MICU3: variants seen among roughly 807,000 people sequenced by gnomAD.
MICU3 encodes calcium uptake protein 3, mitochondrial.
A neutral mutation model predicts 66.5 loss-of-function variants in MICU3; 62 were observed. That is an observed-to-expected ratio of 0.93 (90% CI 0.76 to 1.15). The LOEUF (loss-of-function observed/expected upper bound fraction) is 1.15. MICU3 is among the 50% of genes most tolerant of loss of function. The pLI, the probability that MICU3 is intolerant of heterozygous loss-of-function variation, is 0.00. For missense variants in MICU3, 779 were observed against 664.4 expected, an observed-to-expected ratio of 1.17 and a Z score of -1.90; for synonymous variants, 308 against 240.7, an observed-to-expected ratio of 1.28 and a Z score of -2.59.
intron 3 of MICU3, among the ~76,000 whole-genome samples, chr8:17,073,158 G>A (rs1819860255): frequency 6.6e-6 from 1 of 152,152 alleles, no homozygotes; most frequent in African/African-American, 2.4e-5. Flanking sequence ...TGTTGAAAAT[G>A]CATATGAGAA....
downstream of MICU3, among the ~76,000 whole-genome samples, chr8:17,126,111 C>T (rs955997545): frequency 6.6e-6 from 1 of 151,540 alleles, no homozygotes; most frequent in Non-Finnish European, 1.5e-5. Context: ...AGGGGAGATC[C>T]AGGGGGATGA....
intron 1 of MICU3, among the ~76,000 whole-genome samples, chr8:17,038,833 G>C (rs556555476): frequency 1.3e-5 from 2 of 152,086 alleles, no homozygotes; most frequent in East Asian, 1.9e-4. Context: ...GTCGCCTGTA[G>C]TCCCAGCTGC....
chr8:17,043,988 G>A (rs1309779446), intron 1 of MICU3, among the ~76,000 whole-genome samples: 3 of 152,192 alleles, frequency 2.0e-5, no homozygotes, highest in Non-Finnish European at 4.4e-5. Context: ...TTAAAATCCT[G>A]AAGTTATTCT....
rs201776772 is a variant in MICU3 at position 17,104,391 on chromosome 8, C to T, written c.985C>T (p.Arg329Cys). 65 of 1,357,074 alleles carry T rather than the reference C, an allele frequency of 4.8e-5. No homozygotes were observed. The African/African-American group carries it at 7.3e-4, about 15-fold the overall frequency. 84.1% of individuals were successfully genotyped at this position (1,357,074 alleles called of 1,614,324 possible). The change falls in exon 10 of 15, where the codon CGT becomes TGT. Residue 329 changes from arginine (R) to cysteine (C), a missense_variant and splice_region_variant. By Grantham distance (180) the Arg-to-Cys change is radical. Transcript: ENST00000318063. ...TTTTAAATTGTGATTTTTTTTTAAGCGTGCTGATGACATCACAAGTTTAGT... is the reference window on the plus strand; with the variant it reads ...TTTTAAATTGTGATTTTTTTTTAAGTGTGCTGATGACATCACAAGTTTAGT... The part of the protein sequence containing the change: ...SQALFSDLAE[R>C]ADDITSLVTD...
At chr8:17,085,989 A>G (rs1799426814) in intron 6 of MICU3, among the ~76,000 whole-genome samples, 1 of 152,048 alleles carries the variant, frequency 6.6e-6, no homozygotes, top group African/African-American at 2.4e-5. Context: ...TTTCTCTGAA[A>G]TAGAAAATAC....
Position 17,116,459 on chromosome 8 carries a change from C to A in MICU3, c.1383C>A (p.Ala461=). The A allele has an allele frequency of 6.8e-7, 1 of 1,477,160 alleles. No homozygotes were observed. Among genetic ancestry groups the A allele is most frequent in the Non-Finnish European group, 9.0e-7 (1 of 1,116,514 alleles). The allele number at this position is 1,477,160 out of a possible 1,614,324, so 91.5% of individuals were successfully genotyped here. The change falls in exon 13 of 15, where the codon GCC becomes GCA. Residue 461 remains alanine (A), a synonymous_variant. Transcript: ENST00000318063. ...TTTATCTAGATGAATTTAAACGTGCCGTCTATGTAGCTACTGGACTCAAAT... is the reference window on the plus strand; with the variant it reads ...TTTATCTAGATGAATTTAAACGTGCAGTCTATGTAGCTACTGGACTCAAAT... The part of the protein sequence containing the change: ...RSIGQDEFKR[A]VYVATGLKFS...
At chr8:17,075,438 C>T (rs890684857) in intron 3 of MICU3, among the ~76,000 whole-genome samples, 5 of 152,164 alleles carry the variant, frequency 3.3e-5, no homozygotes, top group Admixed American at 1.3e-4. Context: ...AGCATAAACT[C>T]GGGTATGAAC....
chr8:17,057,087 T>A (rs1269364043), intron 1 of MICU3, among the ~76,000 whole-genome samples: 1 of 152,228 alleles, frequency 6.6e-6, no homozygotes, highest in Non-Finnish European at 1.5e-5. Context: ...GTTCTGTCAG[T>A]AAATAACCAT....
chr8:17,062,249 C>T (rs1817945668), intron 1 of MICU3, among the ~76,000 whole-genome samples: 1 of 152,136 alleles, frequency 6.6e-6, no homozygotes, highest in African/African-American at 2.4e-5. Context: ...CTGAAGCCTT[C>T]TTTTTAAGCC....
At chr8:17,116,396 A>G (rs781540149) in intron 12 of MICU3, 47 bp from the exon 13 acceptor site, 2 of 1,220,596 alleles carry the variant, frequency 1.6e-6, no homozygotes, top group Non-Finnish European at 2.2e-6. Flanking sequence ...AACACATATT[A>G]TAAAAATAAT....
intron 1 of MICU3, among the ~76,000 whole-genome samples, chr8:17,052,637 C>T: frequency 6.6e-6 from 1 of 152,172 alleles, no homozygotes; most frequent in East Asian, 1.9e-4. Flanking sequence ...GTACTATTAG[C>T]TTGTCTTCAG....
At chr8:17,108,064 C>A (rs761269207) in intron 11 of MICU3, among the ~76,000 whole-genome samples, 1 of 151,950 alleles carries the variant, frequency 6.6e-6, no homozygotes, top group African/African-American at 2.4e-5. Flanking sequence ...AGTACCTGTT[C>A]GTGGATATTT....
intron 13 of MICU3, among the ~76,000 whole-genome samples, chr8:17,117,825 G>T (rs1201456873): frequency 6.6e-6 from 1 of 152,098 alleles, no homozygotes; most frequent in Non-Finnish European, 1.5e-5. Flanking sequence ...GGCCAAGATG[G>T]TCTCAAGCTC....
At chr8:17,079,142 A>G (rs910107787) in intron 4 of MICU3, among the ~76,000 whole-genome samples, 3 of 140,282 alleles carry the variant, frequency 2.1e-5, no homozygotes, top group Non-Finnish European at 3.1e-5. Flanking sequence ...CATGTTATAC[A>G]CATGTTTGCA....
At chr8:17,111,581 T>G (rs1429792851) in intron 11 of MICU3, among the ~76,000 whole-genome samples, 1 of 152,246 alleles carries the variant, frequency 6.6e-6, no homozygotes, top group East Asian at 1.9e-4. Flanking sequence ...GGTGTCATAT[T>G]TAAGCAGTTG....
intron 5 of MICU3, among the ~76,000 whole-genome samples, chr8:17,083,216 C>T (rs1821452740): frequency 6.6e-6 from 1 of 151,992 alleles, no homozygotes; most frequent in African/African-American, 2.4e-5. Context: ...ACCAGATGAG[C>T]CAGTTTATCG....
the MICU3 span, among the ~76,000 whole-genome samples, chr8:17,136,121 T>C: frequency 6.6e-6 from 1 of 152,040 alleles, no homozygotes; most frequent in African/African-American, 2.4e-5. Flanking sequence ...CTAGGGTATG[T>C]TCAGCTAGTA....
intron 1 of MICU3, among the ~76,000 whole-genome samples, chr8:17,063,566 C>G (rs555259849): frequency 1.3e-5 from 2 of 152,120 alleles, no homozygotes; most frequent in Non-Finnish European, 2.9e-5. Flanking sequence ...CTGTAGTGAT[C>G]TGGAACTAGC....
At chr8:17,072,758 G>A (rs539907757) in intron 3 of MICU3, among the ~76,000 whole-genome samples, 5 of 152,290 alleles carry the variant, frequency 3.3e-5, no homozygotes, top group African/African-American at 7.2e-5. Context: ...AACTTAGGGT[G>A]TGCAAATTAA....
Sources: allele counts gnomAD v4.1 joint callset (sites outside exome capture counted in the v4.1 genomes callset), GRCh38; gene constraint gnomAD v4.1.1; transcripts MANE v1.5; gene names NCBI Gene and HGNC (gene_info 2026-07-23, HGNC 2026-07-21).